The following MFAP5 variants were observed in gnomAD, a reference collection of about 807,000 sequenced individuals.
MFAP5 encodes microfibrillar-associated protein 5.
A neutral mutation model predicts 30.1 loss-of-function variants in MFAP5; 19 were observed. The observed-to-expected ratio is 0.63, with a 90% CI of 0.44 to 0.93. The LOEUF (loss-of-function observed/expected upper bound fraction) is 0.93, where lower values mean the gene tolerates loss of function less well. Among genes scored for constraint, MFAP5 ranks in the 40% least tolerant of loss-of-function variants. MFAP5 has a pLI of 0.00. For synonymous variants in MFAP5, 92 were observed against 72.9 expected, an observed-to-expected ratio of 1.26 and a Z score of -1.33; for missense variants, 210 against 221.3, an observed-to-expected ratio of 0.95 and a Z score of 0.32.
chr12:8,659,993 G>A (rs1267960091), intron 3 of MFAP5, among the ~76,000 whole-genome samples: 1 of 152,104 alleles, frequency 6.6e-6, no homozygotes, highest in Admixed American at 6.6e-5. Flanking sequence ...TATGTTGAAT[G>A]CCTTGAGGCA....
intron 9 of MFAP5, among the ~76,000 whole-genome samples, chr12:8,648,803 G>A (rs1044124578): frequency 2.0e-5 from 3 of 152,190 alleles, no homozygotes; most frequent in Admixed American, 1.3e-4. Flanking sequence ...GCGGGCTGCT[G>A]AGTCAGAAAT....
chr12:8,651,955 C>T (rs1352657731), intron 6 of MFAP5, among the ~76,000 whole-genome samples: 1 of 152,068 alleles, frequency 6.6e-6, no homozygotes, highest in Non-Finnish European at 1.5e-5. Context: ...TTGTGAGTAT[C>T]TCTGTATTGT....
intron 3 of MFAP5, among the ~76,000 whole-genome samples, chr12:8,656,477 G>C (rs1420850659): frequency 6.8e-6 from 1 of 147,520 alleles, no homozygotes; most frequent in African/African-American, 2.5e-5. Flanking sequence ...GGCCAGTCTC[G>C]GCTCACTGCA....
chr12:8,658,123 C>T (rs527272973), intron 3 of MFAP5, among the ~76,000 whole-genome samples: 2 of 152,068 alleles, frequency 1.3e-5, no homozygotes, highest in Admixed American at 6.6e-5. Context: ...CCAAGGCATG[C>T]GTATCACTTG....
At chr12:8,651,520 G>T in intron 7 of MFAP5, 142 bp downstream of exon 7, 1 of 809,644 alleles carries the variant, frequency 1.2e-6, no homozygotes, top group East Asian at 2.6e-5. Flanking sequence ...AAAAGAGTAA[G>T]GGAGTGAAGA....
chr12:8,653,295 T>TC (rs2136466495), intron 6 of MFAP5, among the ~76,000 whole-genome samples: 1 of 152,258 alleles, frequency 6.6e-6, no homozygotes, highest in Non-Finnish European at 1.5e-5. Context: ...CTACCTTGAT[T>TC]CAGGGCAGCA....
rs1305955058 is a variant in MFAP5 at position 8,647,962 on chromosome 12, A to G, written c.*129T>C. 10 of 610,952 alleles carry G rather than the reference A, an allele frequency of 1.6e-5. No homozygotes were observed. The highest frequency in any genetic ancestry group is 5.7e-6 in the Non-Finnish European group (2 of 353,414). The allele number at this position is 610,952 out of a possible 1,614,324, so 37.8% of individuals were successfully genotyped here. On this transcript the variant is annotated 3_prime_UTR_variant, in exon 10 of 10. Coordinates refer to ENST00000359478, the MANE Select transcript of MFAP5 (RefSeq NM_003480.4). ...GGTGAAAAAGTAGAGAGTAGGGGTA[A>G]AAGCTGGACATTGCAAAAGGATTGG...
intron 9 of MFAP5, 58 bp downstream of exon 9, chr12:8,649,443 C>G: frequency 2.7e-6 from 4 of 1,483,524 alleles, no homozygotes; most frequent in Non-Finnish European, 3.8e-6. Flanking sequence ...AATATCATGT[C>G]CCTATCTACC....
At chr12:8,657,350 CA>C (rs1382637317) in intron 3 of MFAP5, among the ~76,000 whole-genome samples, 1 of 151,756 alleles carries the variant, frequency 6.6e-6, no homozygotes, top group African/African-American at 2.4e-5. Context: ...ACCCAGGAGG[CA>C]GAGGTGGCAG....
chr12:8,652,266 G>A (rs1941858145), intron 6 of MFAP5, among the ~76,000 whole-genome samples: 1 of 151,962 alleles, frequency 6.6e-6, no homozygotes, highest in South Asian at 2.1e-4. Context: ...CCAACATGGT[G>A]AAACCCCCTC....
Position 8,647,987 on chromosome 12 carries a change from G to T in MFAP5, c.*104C>A. Reference sequence around the variant, plus strand: ...AAAGCTGGACATTGCAAAAGGATTGGTTTAAGAAATACTGTCTAAGGGTTA... The same window carrying T: ...AAAGCTGGACATTGCAAAAGGATTGTTTTAAGAAATACTGTCTAAGGGTTA... On this transcript the variant is annotated 3_prime_UTR_variant, in exon 10 of 10. Coordinates refer to ENST00000359478, the MANE Select transcript of MFAP5 (RefSeq NM_003480.4). The T allele has an allele frequency of 1.3e-6, 1 of 798,030 alleles. No homozygotes were observed. Among genetic ancestry groups the T allele is most frequent in the Non-Finnish European group, 2.0e-6 (1 of 506,328 alleles). 49.4% of individuals were successfully genotyped at this position (798,030 alleles called of 1,614,324 possible).
intron 3 of MFAP5, among the ~76,000 whole-genome samples, chr12:8,656,124 G>A (rs1438782721): frequency 6.8e-6 from 1 of 146,972 alleles, no homozygotes; most frequent in East Asian, 2.1e-4. Flanking sequence ...GCAGGGGCGC[G>A]ATCTCGGCTC....
intron 9 of MFAP5, 123 bp from the exon 10 acceptor site, chr12:8,648,326 G>C: frequency 1.1e-6 from 1 of 948,724 alleles, no homozygotes; most frequent in Non-Finnish European, 1.5e-6. Context: ...AAAGATCCGG[G>C]TTTTAACCAG....
intron 6 of MFAP5, among the ~76,000 whole-genome samples, chr12:8,652,621 A>G (rs1941867117): frequency 6.6e-6 from 1 of 152,124 alleles, no homozygotes; most frequent in Non-Finnish European, 1.5e-5. Flanking sequence ...TTGCAAATAG[A>G]ATACTAGGAC....
chr12:8,656,261 C>T (rs961572392), intron 3 of MFAP5, among the ~76,000 whole-genome samples: 12 of 151,188 alleles, frequency 7.9e-5, no homozygotes, highest in East Asian at 5.8e-4. Context: ...GGGGTTTCAC[C>T]GTGGTCTCGA....
intron 6 of MFAP5, among the ~76,000 whole-genome samples, chr12:8,653,171 A>G (rs1591568429): frequency 6.6e-6 from 1 of 151,572 alleles, no homozygotes; most frequent in Admixed American, 6.6e-5. Context: ...CAGCCTGGGC[A>G]ACAAGACCAA....
At chr12:8,655,654 C>T (rs1225085250) in intron 4 of MFAP5, 132 bp downstream of exon 4, 1 of 1,112,162 alleles carries the variant, frequency 9.0e-7, no homozygotes, top group Non-Finnish European at 1.3e-6. Context: ...TCTAAGGTGA[C>T]AACAGAACTC....
chr12:8,658,897 A>G (rs1223937463), intron 3 of MFAP5, among the ~76,000 whole-genome samples: 2 of 151,506 alleles, frequency 1.3e-5, no homozygotes, highest in African/African-American at 4.9e-5. Flanking sequence ...TGGTGCCATC[A>G]TAGCTCCTTT....
At position 8,660,719 on chromosome 12, in the gene MFAP5, G is replaced by T. The variant is rs1591577558; in HGVS notation, c.94+144C>A. ...AGTTGATCCTATTTCTCACACTTTG[G>T]CAATGCATCTCTTTGTTGTAGGAAA... On this transcript the variant is annotated intron_variant, in intron 3 of 9. Transcript: ENST00000359478. The T allele has an allele frequency of 7.5e-6, 5 of 663,880 alleles. No homozygotes were observed. The East Asian group carries it at 8.1e-5, about 11-fold the overall frequency. The allele number at this position is 663,880 out of a possible 1,614,324, so 41.1% of individuals were successfully genotyped here.
Sources: gnomAD v4.1 joint callset for allele counts (sites outside exome capture counted in the v4.1 genomes callset) on GRCh38, gnomAD v4.1.1 for gene constraint, MANE v1.5 for transcripts, NCBI Gene and HGNC (gene_info 2026-07-23, HGNC 2026-07-21) for gene names.